Variants in FHIT observed in about 807,000 individuals in gnomAD.
The protein encoded by FHIT is bis(5'-adenosyl)-triphosphatase.
A neutral mutation model predicts 17.9 loss-of-function variants in FHIT; 19 were observed. That is an observed-to-expected ratio of 1.06 (90% confidence interval 0.74 to 1.56). FHIT has a LOEUF of 1.56. Ranked by LOEUF, FHIT falls within the 40% of genes most tolerant of loss-of-function variation. FHIT has a pLI of 0.00. For missense variants in FHIT, 248 were observed against 189.2 expected (o/e 1.31, Z -1.82); for synonymous variants, 81 against 69.7 (o/e 1.16, Z -0.81).
intron 4 of FHIT, among the ~76,000 whole-genome samples, chr3:60,686,869 T>G (rs1471047715): frequency 6.6e-6 from 1 of 152,188 alleles, no homozygotes; most frequent in Non-Finnish European, 1.5e-5. Context: ...TCATAAGAAA[T>G]TTAACCTATA....
intron 2 of FHIT, among the ~76,000 whole-genome samples, chr3:61,050,953 C>G (rs1314326666): frequency 2.6e-5 from 4 of 152,170 alleles, no homozygotes. Context: ...CTTGGATTTT[C>G]TTCCGAGCCA....
At chr3:61,162,326 T>G (rs1484778059) in intron 2 of FHIT, among the ~76,000 whole-genome samples, 4 of 152,160 alleles carry the variant, frequency 2.6e-5, no homozygotes, top group African/African-American at 9.7e-5. Flanking sequence ...TCTGATTGCT[T>G]CTTCTCAGGT....
At chr3:59,849,886 T>C (rs1370417688) in intron 8 of FHIT, among the ~76,000 whole-genome samples, 3 of 152,192 alleles carry the variant, frequency 2.0e-5, no homozygotes, top group Non-Finnish European at 4.4e-5. Flanking sequence ...TATTATAAGG[T>C]ATATGTTCAG....
intron 5 of FHIT, among the ~76,000 whole-genome samples, chr3:60,237,547 A>T (rs1034900162): frequency 2.0e-5 from 3 of 152,150 alleles, no homozygotes; most frequent in African/African-American, 7.2e-5. Context: ...TCCTCTTAGA[A>T]TCCTGTGAAA....
intron 1 of FHIT, among the ~76,000 whole-genome samples, chr3:61,206,755 C>T (rs2039248276): frequency 6.6e-6 from 1 of 151,936 alleles, no homozygotes; most frequent in African/African-American, 2.4e-5. Context: ...ACAATCATGT[C>T]ATCTGCAAAC....
intron 8 of FHIT, among the ~76,000 whole-genome samples, chr3:59,800,965 C>G (rs182541993): frequency 2.0e-5 from 3 of 152,252 alleles, no homozygotes; most frequent in Admixed American, 1.3e-4. Flanking sequence ...ATCATCTCCC[C>G]CTTCCCAGCT....
chr3:60,955,292 GA>G (rs1230826182), intron 3 of FHIT, among the ~76,000 whole-genome samples: 1 of 152,110 alleles, frequency 6.6e-6, no homozygotes, highest in Non-Finnish European at 1.5e-5. Context: ...AATCCAAGTG[GA>G]AATAGCACAT....
At chr3:60,602,664 T>C (rs1165045218) in intron 4 of FHIT, among the ~76,000 whole-genome samples, 6 of 152,152 alleles carry the variant, frequency 3.9e-5, no homozygotes, top group African/African-American at 1.4e-4. Flanking sequence ...GAATGACATT[T>C]GCAAAACAGA....
intron 5 of FHIT, among the ~76,000 whole-genome samples, chr3:60,092,085 G>C (rs1315894587): frequency 6.6e-6 from 1 of 152,098 alleles, no homozygotes. Flanking sequence ...GGAATAGTAC[G>C]ACAATAATCT....
intron 3 of FHIT, among the ~76,000 whole-genome samples, chr3:60,920,033 C>CAA (rs1224608220): frequency 1.2e-4 from 13 of 108,382 alleles, no homozygotes; most frequent in African/African-American, 3.6e-4. Flanking sequence ...GACTCCGTCT[C>CAA]AAAAAAAAAA....
intron 5 of FHIT, among the ~76,000 whole-genome samples, chr3:60,150,788 G>A (rs1200052666): frequency 2.6e-5 from 4 of 151,972 alleles, no homozygotes; most frequent in East Asian, 3.9e-4. Context: ...GCATGGTGGC[G>A]CATGCCTGTA....
rs541392504 is a variant in FHIT at position 60,330,871 on chromosome 3, G to C, written c.103+205989C>G. Among the ~76,000 whole-genome samples, 134 of 152,258 alleles carry C rather than the reference G, an allele frequency of 8.8e-4. 1 individual carries two copies. Among genetic ancestry groups the C allele is most frequent in the African/African-American group, 3.1e-3 (130 of 41,550 alleles). On this transcript the variant is annotated intron_variant, in intron 5 of 9. Coordinates refer to ENST00000492590, the MANE Select transcript of FHIT (RefSeq NM_002012.4). The stretch of plus-strand genomic sequence containing the variant: ...GGAACATCAAAGTCATGAGTGCCTT[G>C]GAAAACAGAGACAGGAGTGTGCATA...
chr3:59,783,513 T>C (rs1478397563), intron 8 of FHIT, among the ~76,000 whole-genome samples: 5 of 152,086 alleles, frequency 3.3e-5, no homozygotes, highest in South Asian at 4.1e-4. Flanking sequence ...AGTGTCCCAA[T>C]AGAAGCACTT....
intron 7 of FHIT, among the ~76,000 whole-genome samples, chr3:59,977,250 G>C (rs1708455151): frequency 6.6e-6 from 1 of 152,178 alleles, no homozygotes; most frequent in Non-Finnish European, 1.5e-5. Context: ...TAGCCACTAG[G>C]CAAGTCCCCC....
At chr3:60,990,904 T>C (rs1425577542) in intron 3 of FHIT, among the ~76,000 whole-genome samples, 1 of 152,206 alleles carries the variant, frequency 6.6e-6, no homozygotes, top group Non-Finnish European at 1.5e-5. Flanking sequence ...TTCCATTCCT[T>C]TGTTTATTCA....
chr3:60,983,135 T>TTGTGTGTGTG (rs60471009), intron 3 of FHIT, among the ~76,000 whole-genome samples: 1 of 148,850 alleles, frequency 6.7e-6, no homozygotes, highest in African/African-American at 2.5e-5. Flanking sequence ...ACCTTCTCTC[T>TTGTGTGTGTG]TGTGTGTGTG....
chr3:60,366,434 C>G (rs1700110546), intron 5 of FHIT, among the ~76,000 whole-genome samples: 1 of 152,174 alleles, frequency 6.6e-6, no homozygotes, highest in African/African-American at 2.4e-5. Flanking sequence ...CTGCTAACCC[C>G]TTTTCACATG....
At chr3:60,269,759 A>G (rs1706769931) in intron 5 of FHIT, among the ~76,000 whole-genome samples, 1 of 152,232 alleles carries the variant, frequency 6.6e-6, no homozygotes, top group Admixed American at 6.5e-5. Context: ...TGAAGCAGAT[A>G]GAAATGTTGG....
intron 4 of FHIT, among the ~76,000 whole-genome samples, chr3:60,782,210 A>C (rs142569630): frequency 7.6e-6 from 1 of 131,510 alleles, no homozygotes; most frequent in African/African-American, 3.1e-5. Flanking sequence ...AAGGCTGAAG[A>C]ATATTTCATT....
Sources: gnomAD v4.1 joint callset for allele counts (sites outside exome capture counted in the v4.1 genomes callset) on GRCh38, gnomAD v4.1.1 for gene constraint, MANE v1.5 for transcripts, NCBI Gene and HGNC (gene_info 2026-07-23, HGNC 2026-07-21) for gene names.